The following IARS1 variants were observed in gnomAD, a reference collection of about 807,000 sequenced individuals.
IARS1 encodes the protein isoleucine--tRNA ligase, cytoplasmic.
In IARS1, 124 loss-of-function variants were observed where a neutral mutation model predicts 168.2. The observed-to-expected ratio is 0.74, with a 90% CI of 0.64 to 0.86. The LOEUF (loss-of-function observed/expected upper bound fraction) is 0.86, where lower values mean the gene tolerates loss of function less well. Among genes scored for constraint, IARS1 ranks in the 40% least tolerant of loss-of-function variants. IARS1 has a pLI of 0.00. For missense variants in IARS1, 1,452 were observed against 1,515.8 expected, an observed-to-expected ratio of 0.96 and a Z score of 0.70; for synonymous variants, 532 against 529.4, an observed-to-expected ratio of 1.00 and a Z score of -0.07.
At chr9:92,217,574 C>A (rs1387424247) in intron 33 of IARS1, among the ~76,000 whole-genome samples, 3,514 of 148,832 alleles carry the variant, frequency 0.024, 73 homozygotes, top group South Asian at 0.057. Flanking sequence ...AGACGCAATA[C>A]AAAATGATAA....
intron 31 of IARS1, among the ~76,000 whole-genome samples, chr9:92,228,346 C>A (rs1826091769): frequency 6.6e-6 from 1 of 151,914 alleles, no homozygotes; most frequent in Non-Finnish European, 1.5e-5. Context: ...ATCTATAATT[C>A]TTTAAAAATT....
At chr9:92,259,494 A>G (rs572031497) in intron 18 of IARS1, among the ~76,000 whole-genome samples, 1 of 152,280 alleles carries the variant, frequency 6.6e-6, no homozygotes, top group South Asian at 2.1e-4. Context: ...ACACAGCCCA[A>G]ATGGGCAGCA....
chr9:92,240,573 T>C (rs976533008), intron 30 of IARS1: 1 of 639,518 alleles, frequency 1.6e-6, no homozygotes. Flanking sequence ...TTTTTTTTTT[T>C]AATTGAGGCA....
chr9:92,291,901 A>T (rs1285925463), intron 1 of IARS1, among the ~76,000 whole-genome samples: 2 of 152,210 alleles, frequency 1.3e-5, no homozygotes, highest in Non-Finnish European at 2.9e-5. Flanking sequence ...GAGCATTCAC[A>T]TCAAAGTCTG....
intron 12 of IARS1, 106 bp from the exon 13 acceptor site, chr9:92,270,089 C>T: frequency 1.5e-6 from 1 of 654,496 alleles, no homozygotes. Context: ...CTTACTTGGC[C>T]TTCTGCTAAT....
At chr9:92,272,587 C>T (rs148413968) in intron 10 of IARS1, among the ~76,000 whole-genome samples, 206 of 152,296 alleles carry the variant, frequency 1.4e-3, no homozygotes, top group African/African-American at 4.5e-3. Context: ...CAGTGGCTCA[C>T]GCCTGTAACC....
chr9:92,284,163 C>T (rs1027028835), intron 6 of IARS1, among the ~76,000 whole-genome samples: 30 of 152,222 alleles, frequency 2.0e-4, no homozygotes, highest in Non-Finnish European at 4.4e-5. Context: ...GGTGACATAG[C>T]GAGATCCTAT....
At chr9:92,261,927 T>C (rs983915939) in intron 17 of IARS1, among the ~76,000 whole-genome samples, 1 of 152,102 alleles carries the variant, frequency 6.6e-6, no homozygotes, top group African/African-American at 2.4e-5. Context: ...TTTTGTATTT[T>C]TAGTAGAGAC....
At position 92,277,940 on chromosome 9, in the gene IARS1, G is replaced by A. The variant is rs775542822; in HGVS notation, c.834-17C>T. The A allele has an allele frequency of 6.8e-6, 11 of 1,610,390 alleles. No homozygotes were observed. In the South Asian group the frequency reaches 1.1e-4, roughly 16 times the overall value. On this transcript the variant is annotated splice_polypyrimidine_tract_variant and intron_variant, in intron 8 of 33. Transcript: ENST00000443024. The stretch of plus-strand genomic sequence containing the variant: ...CCAGGAAATCTAGAAAAGGAGAAAG[G>A]CAAACTCACAATTAGATTAAAATCA...
chr9:92,239,738 C>A (rs1238001403), intron 30 of IARS1, among the ~76,000 whole-genome samples: 1 of 152,104 alleles, frequency 6.6e-6, no homozygotes, highest in East Asian at 1.9e-4. Context: ...GATGAAAGTC[C>A]CAGCTTCCTA....
chr9:92,233,100 C>G (rs1423824646), intron 30 of IARS1, among the ~76,000 whole-genome samples: 1 of 152,196 alleles, frequency 6.6e-6, no homozygotes. Flanking sequence ...ACAAGTTAGA[C>G]TTATTTGACT....
At chr9:92,266,259 C>T (rs894787439) in intron 14 of IARS1, among the ~76,000 whole-genome samples, 3 of 152,178 alleles carry the variant, frequency 2.0e-5, no homozygotes, top group Non-Finnish European at 4.4e-5. Context: ...CCTCCTGGCA[C>T]CTGAATCTGG....
intron 1 of IARS1, 31 bp from the exon 2 acceptor site, chr9:92,289,457 A>G (rs1187709254): frequency 2.2e-6 from 2 of 924,448 alleles, no homozygotes; most frequent in South Asian, 1.3e-5. Flanking sequence ...ATTACTGTCA[A>G]AAGAGAAATC....
chr9:92,253,362 C>T lies in IARS1; in HGVS notation c.2229G>A (p.Lys743=). Residue 743 remains lysine (K), a splice_region_variant and synonymous_variant, in exon 21 of 34, where the codon AAG becomes AAA. Coordinates refer to ENST00000443024, the MANE Select transcript of IARS1 (RefSeq NM_002161.6). ...TTTCCCAACAGCAGTCTGCACTTAC[C>T]TTTAATCTTCTGCGGTTCATTCTAA... ...WYVRMNRRRL[K]GENGMEDCVM... The T allele has an allele frequency of 6.2e-7, 1 of 1,607,250 alleles. No individual in the cohort carries two copies. The highest frequency in any genetic ancestry group is 8.5e-7 in the Non-Finnish European group (1 of 1,174,058).
intron 30 of IARS1, among the ~76,000 whole-genome samples, chr9:92,235,884 A>G (rs771032846): frequency 2.6e-5 from 4 of 152,162 alleles, no homozygotes; most frequent in Admixed American, 6.5e-5. Context: ...CCACTTGGTG[A>G]TGGTGCATAA....
At chr9:92,284,755 C>G (rs1259257313) in intron 6 of IARS1, among the ~76,000 whole-genome samples, 1 of 152,090 alleles carries the variant, frequency 6.6e-6, no homozygotes, top group African/African-American at 2.4e-5. Flanking sequence ...GGCGACAGAG[C>G]AAGACTCTGA....
At chr9:92,241,707 A>G (rs1828432687) in intron 29 of IARS1, among the ~76,000 whole-genome samples, 1 of 152,188 alleles carries the variant, frequency 6.6e-6, no homozygotes, top group Non-Finnish European at 1.5e-5. Flanking sequence ...TTTCATAAGT[A>G]TATCTAAAAT....
rs1401112900 is a variant in IARS1 at position 92,259,000 on chromosome 9, T to G, written c.1872-2A>C. The G allele has an allele frequency of 1.3e-6, 2 of 1,592,824 alleles. No individual in the cohort carries two copies. Among genetic ancestry groups the G allele is most frequent in the Non-Finnish European group, 1.7e-6 (2 of 1,173,158 alleles). On this transcript the variant is annotated splice_acceptor_variant, in intron 18 of 33. Coordinates refer to ENST00000443024, the MANE Select transcript of IARS1 (RefSeq NM_002161.6). LOFTEE classifies it high-confidence loss of function. ...ACAGGGGAGTTAATCAGATATAATC[T>G]GGAAGAGGGAGAAAAATTAGACAGA...
intron 19 of IARS1, among the ~76,000 whole-genome samples, chr9:92,258,253 T>C (rs753462574): frequency 1.3e-5 from 2 of 152,154 alleles, no homozygotes; most frequent in Non-Finnish European, 2.9e-5. Context: ...ATTGGTTCCA[T>C]AAGGGGAGGG....
Sources: allele counts gnomAD v4.1 joint callset (sites outside exome capture counted in the v4.1 genomes callset), GRCh38; gene constraint gnomAD v4.1.1; transcripts MANE v1.5; gene names NCBI Gene and HGNC (gene_info 2026-07-23, HGNC 2026-07-21).